Variants in NRXN3 observed in about 807,000 individuals in gnomAD.
NRXN3 encodes the protein neurexin III.
A neutral mutation model predicts 137.6 loss-of-function variants in NRXN3; 32 were observed. The ratio of observed to expected loss-of-function variants is 0.23; its 90% confidence interval spans 0.18 to 0.31. The LOEUF is 0.31. Among genes scored for constraint, NRXN3 ranks in the 10% least tolerant of loss-of-function variants. The pLI is 1.00. For missense variants in NRXN3, 1,574 were observed against 2,062.5 expected, an observed-to-expected ratio of 0.76 and a Z score of 4.59; for synonymous variants, 798 against 784.5, an observed-to-expected ratio of 1.02 and a Z score of -0.29.
At chr14:79,614,027 A>G (rs1448512445) in intron 16 of NRXN3, among the ~76,000 whole-genome samples, 1 of 152,222 alleles carries the variant, frequency 6.6e-6, no homozygotes, top group Non-Finnish European at 1.5e-5. Flanking sequence ...TCTAATAACA[A>G]TTCATGTCCA....
chr14:78,788,052 C>T (rs2098794320), intron 8 of NRXN3, among the ~76,000 whole-genome samples: 1 of 152,088 alleles, frequency 6.6e-6, no homozygotes, highest in Non-Finnish European at 1.5e-5. Context: ...TTTTCTTATG[C>T]AGTTTTTAAA....
intron 15 of NRXN3, among the ~76,000 whole-genome samples, chr14:79,388,073 G>A (rs1168480170): frequency 6.6e-6 from 1 of 151,420 alleles, no homozygotes; most frequent in East Asian, 1.9e-4. Context: ...TGCACGTTGT[G>A]CACATGTACC....
intron 15 of NRXN3, among the ~76,000 whole-genome samples, chr14:79,130,865 G>A (rs1260576406): frequency 6.6e-6 from 1 of 152,018 alleles, no homozygotes; most frequent in Non-Finnish European, 1.5e-5. Context: ...TTTCTTGGAG[G>A]CTTTGCTCAT....
At chr14:78,535,765 A>G (rs566029387) in intron 4 of NRXN3, among the ~76,000 whole-genome samples, 1 of 152,212 alleles carries the variant, frequency 6.6e-6, no homozygotes, top group African/African-American at 2.4e-5. Flanking sequence ...CCATTTTCCA[A>G]ATCTATTAAA....
rs535418412 is a variant in NRXN3 at position 79,661,223 on chromosome 14, A to G, written c.3445-2555A>G. 5.9e-5 allele frequency among the ~76,000 whole-genome samples: 9 copies of G among 152,264 alleles called. No individual in the cohort carries two copies. The South Asian group carries it at 1.9e-3, about 32-fold the overall frequency. ...GATTTACGAAATCATGAGTGTGTTTAGTCACAATTTTGGGAGGTACCTGGA... is the reference window on the plus strand; with the variant it reads ...GATTTACGAAATCATGAGTGTGTTTGGTCACAATTTTGGGAGGTACCTGGA... On this transcript the variant is annotated intron_variant, in intron 16 of 20. Transcript: ENST00000335750.
At chr14:78,527,110 A>G (rs749437025) in intron 4 of NRXN3, among the ~76,000 whole-genome samples, 60 of 152,218 alleles carry the variant, frequency 3.9e-4, no homozygotes, top group Admixed American at 9.2e-4. Context: ...AAGAATATCA[A>G]TAAACTAAAT....
In NRXN3 at chr14:78,189,672, C is replaced by T. The variant is rs2060538293; in HGVS notation, c.-704+18998C>T. On this transcript the variant is annotated intron_variant, in intron 1 of 20. Transcript: ENST00000335750. ...TGCAATCTCGGCTCACTGCAACCTC[C>T]ACTTCCGGGTTTGAGCAATTCTCCT... Among the ~76,000 whole-genome samples, 9 of 152,244 alleles carry T rather than the reference C, an allele frequency of 5.9e-5. 1 individual carries two copies. The South Asian group carries it at 1.9e-3, about 32-fold the overall frequency.
intron 15 of NRXN3, among the ~76,000 whole-genome samples, chr14:79,092,388 T>G (rs939149021): frequency 6.6e-6 from 1 of 152,226 alleles, no homozygotes; most frequent in African/African-American, 2.4e-5. Context: ...TCTGACTATC[T>G]GCAACCTTAG....
At chr14:79,736,371 A>G (rs1603455530) in intron 19 of NRXN3, among the ~76,000 whole-genome samples, 1 of 152,160 alleles carries the variant, frequency 6.6e-6, no homozygotes, top group African/African-American at 2.4e-5. Flanking sequence ...TTCTGACCCC[A>G]TCAGGTATTT....
At chr14:78,432,528 G>A (rs985879391) in intron 4 of NRXN3, among the ~76,000 whole-genome samples, 2 of 152,190 alleles carry the variant, frequency 1.3e-5, no homozygotes, top group African/African-American at 2.4e-5. Context: ...TTAAGCATGT[G>A]CATGAGGAAG....
chr14:78,408,455 C>T (rs1213720204), intron 4 of NRXN3, among the ~76,000 whole-genome samples: 1 of 152,228 alleles, frequency 6.6e-6, no homozygotes, highest in East Asian at 1.9e-4. Context: ...AAATTTATCA[C>T]ATGAAAATGC....
intron 4 of NRXN3, among the ~76,000 whole-genome samples, chr14:78,310,940 TATC>T (rs1209165989): frequency 6.6e-6 from 1 of 152,180 alleles, no homozygotes; most frequent in Non-Finnish European, 1.5e-5. Context: ...TTAGTTTAGT[TATC>T]ATAAACATTA....
intron 4 of NRXN3, among the ~76,000 whole-genome samples, chr14:78,592,566 G>T (rs1379153662): frequency 6.6e-6 from 1 of 152,038 alleles, no homozygotes; most frequent in African/African-American, 2.4e-5. Context: ...AGGGATGAAC[G>T]GTGAGAGAAT....
At chr14:78,943,621 A>AATATAT (rs60429358) in intron 10 of NRXN3, among the ~76,000 whole-genome samples, 14 of 27,862 alleles carry the variant, frequency 5.0e-4, no homozygotes, top group Admixed American at 1.5e-3. Context: ...AAAAAAAAAA[A>AATATAT]ATATATATAT....
At chr14:78,762,582 AG>A (rs1415255760) in intron 8 of NRXN3, among the ~76,000 whole-genome samples, 1 of 152,166 alleles carries the variant, frequency 6.6e-6, no homozygotes, top group African/African-American at 2.4e-5. Flanking sequence ...TAAAAAGAGA[AG>A]GGTAAGACAG....
chr14:78,217,969 AT>A (rs924673613), intron 1 of NRXN3, among the ~76,000 whole-genome samples: 1 of 152,204 alleles, frequency 6.6e-6, no homozygotes, highest in African/African-American at 2.4e-5. Flanking sequence ...CTTAAATAGC[AT>A]TGTCTTAATG....
At chr14:78,881,118 A>G (rs1328341252) in intron 10 of NRXN3, among the ~76,000 whole-genome samples, 1 of 151,532 alleles carries the variant, frequency 6.6e-6, no homozygotes, top group African/African-American at 2.4e-5. Context: ...TTCCCCTTCC[A>G]CCATGATTGT....
chr14:79,122,701 A>C (rs1321227257), intron 15 of NRXN3, among the ~76,000 whole-genome samples: 2 of 152,192 alleles, frequency 1.3e-5, no homozygotes. Flanking sequence ...GTGTTTGCCC[A>C]TTCATTTATT....
intron 1 of NRXN3, among the ~76,000 whole-genome samples, chr14:78,225,999 G>T (rs2064598789): frequency 6.6e-6 from 1 of 150,492 alleles, no homozygotes; most frequent in African/African-American, 2.4e-5. Flanking sequence ...GTGTGTGTGT[G>T]TGTGTGTGTG....
Sources: allele counts gnomAD v4.1 joint callset (sites outside exome capture counted in the v4.1 genomes callset), GRCh38; gene constraint gnomAD v4.1.1; transcripts MANE v1.5; gene names NCBI Gene and HGNC (gene_info 2026-07-23, HGNC 2026-07-21).